PAK5: variants seen among roughly 807,000 people sequenced by gnomAD.
PAK5 encodes p21 (RAC1) activated kinase 5, also known as serine/threonine-protein kinase PAK 5.
A neutral mutation model predicts 65.9 loss-of-function variants in PAK5; 16 were observed. The observed-to-expected ratio is 0.24, with a 90% CI of 0.16 to 0.37. The LOEUF (loss-of-function observed/expected upper bound fraction) is 0.37. PAK5 is among the 10% of genes least tolerant of loss of function. The pLI, the probability that PAK5 is intolerant of heterozygous loss-of-function variation, is 1.00. For missense variants in PAK5, 785 were observed against 903.9 expected (o/e 0.87, Z 1.69); for synonymous variants, 371 against 354.9 (o/e 1.05, Z -0.51).
At chr20:9,797,882 G>A (rs6056890) in intron 1 of PAK5, among the ~76,000 whole-genome samples, 15,281 of 151,864 alleles carry the variant, frequency 0.1, 1,465 homozygotes, top group African/African-American at 0.24. Context: ...TAAAATAAAG[G>A]ATTCATCAGT....
chr20:9,657,151 C>G (rs2047279374), intron 2 of PAK5, among the ~76,000 whole-genome samples: 1 of 152,126 alleles, frequency 6.6e-6, no homozygotes, highest in South Asian at 2.1e-4. Context: ...CCCTCACTAC[C>G]CCCACAATTG....
At chr20:9,598,803 C>G (rs1167909127) in intron 3 of PAK5, among the ~76,000 whole-genome samples, 1 of 151,956 alleles carries the variant, frequency 6.6e-6, no homozygotes, top group African/African-American at 2.4e-5. Flanking sequence ...TTTGATGGGG[C>G]TGTATGTTTT....
chr20:9,776,671 C>T lies in PAK5; in HGVS notation c.-162+62091G>A, dbSNP rs80178320. Among the ~76,000 whole-genome samples, 220 of 152,246 alleles carry T rather than the reference C, an allele frequency of 1.4e-3. 5 individuals are homozygous for T. In the East Asian group the frequency reaches 0.04, roughly 28 times the overall value. ...ACACTCAAGCAGCCCTATGGAGAGG[C>T]CCATGAAGTGAGGCACTGAGACCTC... On this transcript the variant is annotated intron_variant, in intron 1 of 9. Transcript: ENST00000353224.
chr20:9,617,107 C>T (rs113489325), intron 3 of PAK5, among the ~76,000 whole-genome samples: 14 of 152,160 alleles, frequency 9.2e-5, no homozygotes, highest in Admixed American at 4.6e-4. Flanking sequence ...TGGCACAACA[C>T]TTGTTTATCT....
chr20:9,637,493 C>A (rs1444015603), intron 3 of PAK5, among the ~76,000 whole-genome samples: 1 of 152,020 alleles, frequency 6.6e-6, no homozygotes, highest in Non-Finnish European at 1.5e-5. Context: ...CTTTTGAGAA[C>A]CACTGCAAGA....
chr20:9,597,312 T>C (rs1179220540), intron 3 of PAK5, among the ~76,000 whole-genome samples: 1 of 152,236 alleles, frequency 6.6e-6, no homozygotes, highest in African/African-American at 2.4e-5. Context: ...GCAAAGCAGC[T>C]GGCTTGATTG....
chr20:9,719,578 T>A (rs2048190378), intron 1 of PAK5, among the ~76,000 whole-genome samples: 1 of 152,146 alleles, frequency 6.6e-6, no homozygotes, highest in Admixed American at 6.5e-5. Flanking sequence ...CTTTTATTTT[T>A]GGAGTAACTC....
intron 1 of PAK5, among the ~76,000 whole-genome samples, chr20:9,721,025 G>C (rs763292242): frequency 6.6e-6 from 1 of 152,168 alleles, no homozygotes; most frequent in Non-Finnish European, 1.5e-5. Context: ...GAATTAGATA[G>C]AGGTGGTAGT....
intron 2 of PAK5, among the ~76,000 whole-genome samples, chr20:9,679,536 A>T (rs1177855916): frequency 6.6e-6 from 1 of 151,898 alleles, no homozygotes; most frequent in African/African-American, 2.4e-5. Flanking sequence ...TCATCTCCCA[A>T]CTCCTGGCAT....
chr20:9,772,355 C>T (rs1351317109), intron 1 of PAK5, among the ~76,000 whole-genome samples: 2 of 152,106 alleles, frequency 1.3e-5, no homozygotes, highest in African/African-American at 4.8e-5. Flanking sequence ...GGATGATCAG[C>T]AAGGTGTCTA....
chr20:9,785,521 C>T (rs1266140285), intron 1 of PAK5, among the ~76,000 whole-genome samples: 3 of 152,100 alleles, frequency 2.0e-5, no homozygotes, highest in South Asian at 2.1e-4. Context: ...TCCCTCTGAG[C>T]GTATCTCCTT....
rs571135766 is a variant in PAK5, at chr20:9,734,448, A to G, written c.-161-23013T>C. On this transcript the variant is annotated intron_variant, in intron 1 of 9. Coordinates refer to ENST00000353224, the MANE Select transcript of PAK5 (RefSeq NM_177990.4). ...CAGACTAACAGACAGAGATACAGAA[A>G]TGACATTAGGGAATAGAAGGAGAAA... Among the ~76,000 whole-genome samples the G allele has an allele frequency of 1.5e-4, 23 of 152,272 alleles. No individual in the cohort carries two copies. In the East Asian group the frequency reaches 2.7e-3, roughly 18 times the overall value.
At chr20:9,734,792 G>A (rs1039863366) in intron 1 of PAK5, among the ~76,000 whole-genome samples, 3 of 152,152 alleles carry the variant, frequency 2.0e-5, no homozygotes, top group African/African-American at 7.2e-5. Flanking sequence ...AGCATTAGAG[G>A]TGTTTTGCAG....
At chr20:9,572,336 T>C (rs1191547584) in intron 4 of PAK5, among the ~76,000 whole-genome samples, 3 of 151,934 alleles carry the variant, frequency 2.0e-5, no homozygotes, top group African/African-American at 7.3e-5. Flanking sequence ...ATGTAAGTGT[T>C]CCATTCTAAG....
At position 9,541,420 on chromosome 20, in the gene PAK5, C is replaced by T. The variant is rs1005763662; in HGVS notation, c.2004+1166G>A. Among the ~76,000 whole-genome samples, 8 of 152,288 alleles carry T rather than the reference C, an allele frequency of 5.3e-5. No homozygotes were observed. The East Asian group carries it at 5.8e-4, about 11-fold the overall frequency. ...CTTGGAAAACAGAAAAGACCCCACT[C>T]GGTCTCTTACATGCATTATATTAAC... is the stretch of plus-strand genomic sequence containing the variant. On this transcript the variant is annotated intron_variant, in intron 9 of 9. Coordinates refer to ENST00000353224, the MANE Select transcript of PAK5 (RefSeq NM_177990.4).
chr20:9,742,489 G>A (rs533024101), intron 1 of PAK5, among the ~76,000 whole-genome samples: 1 of 152,250 alleles, frequency 6.6e-6, no homozygotes, highest in East Asian at 1.9e-4. Flanking sequence ...TATACACACT[G>A]ATGATCACTC....
At chr20:9,545,581 T>A (rs6056687) in intron 7 of PAK5, among the ~76,000 whole-genome samples, 11 of 152,058 alleles carry the variant, frequency 7.2e-5, no homozygotes, top group African/African-American at 2.7e-4. Flanking sequence ...CCAACCTTTT[T>A]TTTCTGGCTC....
At chr20:9,584,709 T>A (rs1188834622) in intron 3 of PAK5, among the ~76,000 whole-genome samples, 1 of 152,262 alleles carries the variant, frequency 6.6e-6, no homozygotes, top group Non-Finnish European at 1.5e-5. Context: ...CCTCCTTTCC[T>A]ATTCAATAAT....
At chr20:9,703,296 T>G (rs1215864658) in intron 2 of PAK5, among the ~76,000 whole-genome samples, 2 of 152,180 alleles carry the variant, frequency 1.3e-5, no homozygotes. Flanking sequence ...AGCATTATGT[T>G]GTATGGTGAA....
Sources: gnomAD v4.1 joint callset for allele counts (sites outside exome capture counted in the v4.1 genomes callset) on GRCh38, gnomAD v4.1.1 for gene constraint, MANE v1.5 for transcripts, NCBI Gene and HGNC (gene_info 2026-07-23, HGNC 2026-07-21) for gene names.